CHGB: variants seen among roughly 807,000 people sequenced by gnomAD.
The protein encoded by CHGB is secretogranin-1.
In CHGB, 46 loss-of-function variants were observed where a neutral mutation model predicts 69.9. The ratio of observed to expected loss-of-function variants is 0.66; its 90% CI spans 0.52 to 0.84. CHGB has a LOEUF of 0.84. Ranked by LOEUF, CHGB falls within the 40% of genes least tolerant of loss-of-function variation. The pLI is 0.00. For missense variants in CHGB, 796 were observed against 822.2 expected, an observed-to-expected ratio of 0.97 and a Z score of 0.39; for synonymous variants, 312 against 298.2, an observed-to-expected ratio of 1.05 and a Z score of -0.48.
intron 1 of CHGB, among the ~76,000 whole-genome samples, chr20:5,913,374 C>G (rs1293097862): frequency 1.3e-5 from 2 of 152,124 alleles, no homozygotes; most frequent in Non-Finnish European, 2.9e-5. Flanking sequence ...TCCCACCTCC[C>G]CACAGCCTCT....
intron 3 of CHGB, among the ~76,000 whole-genome samples, chr20:5,918,242 T>C (rs2088490577): frequency 7.0e-6 from 1 of 142,710 alleles, no homozygotes; most frequent in Admixed American, 7.0e-5. Flanking sequence ...ACTAGTTGGG[T>C]GTGGTGGCGG....
intron 2 of CHGB, 87 bp from the exon 3 acceptor site, chr20:5,916,739 A>G: frequency 8.3e-7 from 1 of 1,203,846 alleles, no homozygotes; most frequent in Non-Finnish European, 1.2e-6. Flanking sequence ...TCACGTAATC[A>G]AGTCTTCCTT....
At position 5,921,567 on chromosome 20, in the gene CHGB, G is replaced by A. The variant is rs527414200; in HGVS notation, c.191-768G>A. 4.6e-5 allele frequency among the ~76,000 whole-genome samples: 7 copies of A among 152,332 alleles called. No homozygotes were observed. The East Asian group carries it at 1.2e-3, about 25-fold the overall frequency. On this transcript the variant is annotated intron_variant, in intron 3 of 4. Transcript: ENST00000378961. Reference sequence around the variant, plus strand: ...TCAATTAAAATATCAGTTATACCATGTACTCTGACTCTGGAAACACAAAGA... The same window carrying A: ...TCAATTAAAATATCAGTTATACCATATACTCTGACTCTGGAAACACAAAGA...
chr20:5,923,627 A>C lies in CHGB; in HGVS notation c.1483A>C (p.Asn495His). Residue 495 changes from asparagine (N) to histidine (H), a missense_variant, in exon 4 of 5, where the codon AAC becomes CAC. By Grantham distance (68) the Asn-to-His change is moderately conservative. Transcript: ENST00000378961. ...GGGAGACCTGCAGGACACTAAAGAA[A>C]ACAGGGAGGAAGCTAGGTTTCAAGA... ...QQGDLQDTKE[N>H]REEARFQDKQ... 6.2e-7 allele frequency: 1 copy of C among 1,614,112 alleles called. No individual in the cohort carries two copies. Among genetic ancestry groups the C allele is most frequent in the Non-Finnish European group, 8.5e-7 (1 of 1,180,026 alleles).
At position 5,923,623 on chromosome 20, in the gene CHGB, A is replaced by C. The variant is rs777961243; in HGVS notation, c.1479A>C (p.Lys493Asn). Residue 493 changes from lysine (K) to asparagine (N), a missense_variant, in exon 4 of 5, where the codon AAA (lysine) becomes AAC (asparagine). Around this residue, in one of 3 missense-constraint regions of CHGB, gnomAD observed 274 missense variants for 298.9 expected, o/e 0.92. Transcript: ENST00000378961. ...WQQQGDLQDT[K>N]ENREEARFQD... ...AGCAGGGAGACCTGCAGGACACTAA[A>C]GAAAACAGGGAGGAAGCTAGGTTTC... is the stretch of plus-strand genomic sequence containing the variant. 6.2e-7 allele frequency: 1 copy of C among 1,614,164 alleles called. No homozygotes were observed. Among genetic ancestry groups the C allele is most frequent in the Non-Finnish European group, 8.5e-7 (1 of 1,180,034 alleles).
At chr20:5,914,117 CT>C (rs541596447) in intron 1 of CHGB, among the ~76,000 whole-genome samples, 5,730 of 151,164 alleles carry the variant, frequency 0.038, 156 homozygotes, top group Middle Eastern at 0.12. Flanking sequence ...AGTAGGTTTT[CT>C]TTTTTTTTCG....
intron 4 of CHGB, 121 bp downstream of exon 4, chr20:5,924,221 C>G: frequency 7.2e-7 from 1 of 1,390,506 alleles, no homozygotes; most frequent in Non-Finnish European, 9.5e-7. Context: ...GAAAATGGTG[C>G]TCTAGTAATG....
In CHGB at chr20:5,922,810, C is replaced by T. The variant is rs749824076; in HGVS notation, c.666C>T (p.Ala222=). The change falls in exon 4 of 5, where the codon GCC becomes GCT. Residue 222 remains alanine, a synonymous_variant. Transcript: ENST00000378961. Reference sequence around the variant, plus strand: ...TGGCCAGATCGGAAACACATGCTGCCGGGCATTCTCAGGAGAAGACACATA... The same window carrying T: ...TGGCCAGATCGGAAACACATGCTGCTGGGCATTCTCAGGAGAAGACACATA... ...ELVARSETHA[A]GHSQEKTHSR... 51 of 1,613,884 alleles carry T rather than the reference C, an allele frequency of 3.2e-5. No homozygotes were observed. Among genetic ancestry groups the T allele is most frequent in the African/African-American group, 5.3e-5 (4 of 74,852 alleles).
In CHGB at chr20:5,922,768, A is replaced by T. The variant is rs754835123; in HGVS notation, c.624A>T (p.Ile208=). 46 of 1,614,056 alleles carry T rather than the reference A, an allele frequency of 2.8e-5. No individual in the cohort carries two copies. Among genetic ancestry groups the T allele is most frequent in the East Asian group, 4.5e-5 (2 of 44,880 alleles). ...FLNERKQASA[I]KKEELVARSE... ...ATGAAAGAAAGCAGGCTTCAGCTAT[A>T]AAAAAAGAGGAGTTAGTGGCCAGAT... is the stretch of plus-strand genomic sequence containing the variant. Residue 208 remains isoleucine (I), a synonymous_variant, in exon 4 of 5, where the codon ATA becomes ATT. Transcript: ENST00000378961.
In CHGB at chr20:5,920,980, A is replaced by G. The variant is rs1009874678; in HGVS notation, c.191-1355A>G. On this transcript the variant is annotated intron_variant, in intron 3 of 4. Coordinates refer to ENST00000378961, the MANE Select transcript of CHGB (RefSeq NM_001819.3). ...TTTCCATTTTGCAAATATCATTTCA[A>G]AATAACTTATCAGTGCCACCCAATA... Among the ~76,000 whole-genome samples the G allele has an allele frequency of 5.3e-5, 8 of 152,364 alleles. No homozygotes were observed. The East Asian group carries it at 1.5e-3, about 29-fold the overall frequency.
chr20:5,922,677 G>T lies in CHGB; in HGVS notation c.533G>T (p.Arg178Leu), dbSNP rs910122. ...GGAGAGAACTATCAAAAAGGGGAGC[G>T]AGGGGAAGATAGCAGTGAAGAGAAA... ...EEGENYQKGE[R>L]GEDSSEEKHL... Residue 178 changes from arginine (R) to leucine (L), a missense_variant, in exon 4 of 5, where the codon CGA (arginine) becomes CTA (leucine). By Grantham distance (102) the Arg-to-Leu change is moderately radical. Around this residue, in one of 3 missense-constraint regions of CHGB, gnomAD observed 518 missense variants for 506.3 expected, o/e 1.02. Coordinates refer to ENST00000378961, the MANE Select transcript of CHGB (RefSeq NM_001819.3). 6.2e-7 allele frequency: 1 copy of T among 1,613,732 alleles called. No homozygotes were observed. Among genetic ancestry groups the T allele is most frequent in the South Asian group, 1.1e-5 (1 of 91,066 alleles).
chr20:5,915,424 T>C, intron 1 of CHGB: 1 of 152,172 alleles, frequency 6.6e-6, no homozygotes, highest in East Asian at 1.9e-4. Flanking sequence ...GATGCTGTAC[T>C]AGGAGGGTTA....
At chr20:5,917,162 AAGG>A in intron 3 of CHGB, 1 of 523,898 alleles carries the variant, frequency 1.9e-6, no homozygotes, top group Non-Finnish European at 3.5e-6. Context: ...AAGTAAAATG[AAGG>A]AGTTGAACTC....
At chr20:5,920,821 G>A (rs1224504507) in intron 3 of CHGB, among the ~76,000 whole-genome samples, 2 of 152,236 alleles carry the variant, frequency 1.3e-5, no homozygotes, top group African/African-American at 4.8e-5. Context: ...TCTCTCAGAT[G>A]TCTGGAAAAG....
Position 5,923,926 on chromosome 20 carries a change from G to C in CHGB, c.1782G>C (p.Lys594Asn), listed in dbSNP as rs776442043. The C allele has an allele frequency of 1.9e-6, 3 of 1,614,182 alleles. No individual in the cohort carries two copies. In the East Asian group the frequency reaches 6.7e-5, roughly 36 times the overall value. The change falls in exon 4 of 5, where the codon AAG (lysine) becomes AAC (asparagine). Residue 594 changes from lysine to asparagine, a missense_variant. By Grantham distance (94) the Lys-to-Asn change is moderately conservative (BLOSUM62 0). Coordinates refer to ENST00000378961, the MANE Select transcript of CHGB (RefSeq NM_001819.3). The stretch of plus-strand genomic sequence containing the variant: ...AGAGAAACCTCGCCAGGGTCCCCAA[G>C]CTGGACCTGAAAAGGCAATATGACA... ...YEKRNLARVP[K>N]LDLKRQYDRV... is the part of the protein sequence containing the mutation.
Position 5,924,106 on chromosome 20 carries a change from G to A in CHGB, c.1956+6G>A. The stretch of plus-strand genomic sequence containing the variant: ...CAGTCCTGACAGAGGACGAGGTATG[G>A]TCTAGGGCTTCTGTTTAAAAGTACT... On this transcript the variant is annotated splice_donor_region_variant and intron_variant, in intron 4 of 4. Coordinates refer to ENST00000378961, the MANE Select transcript of CHGB (RefSeq NM_001819.3). 1 of 1,586,210 alleles carries A rather than the reference G, an allele frequency of 6.3e-7. No individual in the cohort carries two copies. The highest frequency in any genetic ancestry group is 1.1e-5 in the South Asian group (1 of 88,176).
At chr20:5,916,179 G>A (rs192107005) in intron 1 of CHGB, 147 bp from the exon 2 acceptor site, 34 of 641,760 alleles carry the variant, frequency 5.3e-5, no homozygotes, top group Admixed American at 4.9e-4. Context: ...GATTTATACC[G>A]GATCTAAAAT....
At chr20:5,917,477 C>T (rs1036500583) in intron 3 of CHGB, 5 of 156,482 alleles carry the variant, frequency 3.2e-5, no homozygotes, top group African/African-American at 1.2e-4. Context: ...TAATGTATAG[C>T]TTACTAGAAT....
chr20:5,915,433 T>C (rs952805069), intron 1 of CHGB: 2 of 152,196 alleles, frequency 1.3e-5, no homozygotes, highest in Non-Finnish European at 2.9e-5. Context: ...CTAGGAGGGT[T>C]AGATATCTGC....
Sources: allele counts gnomAD v4.1 joint callset (sites outside exome capture counted in the v4.1 genomes callset), GRCh38; gene constraint gnomAD v4.1.1; regional missense constraint gnomAD v4.1.1; transcripts MANE v1.5; gene names NCBI Gene and HGNC (gene_info 2026-07-23, HGNC 2026-07-21).